ARSB: variants seen among roughly 807,000 people sequenced by gnomAD.
ARSB encodes N-acetylgalactosamine-4-sulfatase.
ARSB carries 41 observed loss-of-function variants against 50.9 expected under a neutral mutation model. The observed-to-expected ratio is 0.81, with a 90% CI of 0.63 to 1.04. ARSB has a LOEUF of 1.04. Among genes scored for constraint, ARSB ranks in the 50% least tolerant of loss-of-function variants. The pLI, the probability that ARSB is intolerant of heterozygous loss-of-function variation, is 0.00. For missense variants in ARSB, 672 were observed against 693.3 expected (o/e 0.97, Z 0.35); for synonymous variants, 269 against 284.8 (o/e 0.94, Z 0.56).
chr5:78,866,971 C>T (rs536314522), intron 5 of ARSB, among the ~76,000 whole-genome samples: 7 of 152,296 alleles, frequency 4.6e-5, no homozygotes, highest in East Asian at 1.9e-4. Context: ...ACACCGTGCG[C>T]GAGCCAAAGC....
chr5:78,980,007 T>C (rs1752833445), intron 1 of ARSB, among the ~76,000 whole-genome samples: 1 of 152,190 alleles, frequency 6.6e-6, no homozygotes, highest in Admixed American at 6.5e-5. Context: ...TGAAAGGACA[T>C]CTATTGTATT....
intron 4 of ARSB, among the ~76,000 whole-genome samples, chr5:78,888,539 C>T (rs1173876589): frequency 6.6e-6 from 1 of 152,174 alleles, no homozygotes; most frequent in Admixed American, 6.5e-5. Context: ...AGCCTGTTGT[C>T]TCTGTTTTAA....
chr5:78,971,490 T>A (rs1178217026), intron 1 of ARSB, among the ~76,000 whole-genome samples: 1 of 152,224 alleles, frequency 6.6e-6, no homozygotes, highest in African/African-American at 2.4e-5. Context: ...AGCAAGAAAC[T>A]TGTTGCTAAC....
upstream of ARSB, chr5:78,985,388 G>A (rs1580171359): frequency 1.1e-5 from 9 of 842,812 alleles, 1 homozygote; most frequent in African/African-American, 1.1e-4. Context: ...TGCGAGGCCG[G>A]GCGCTCGGCC....
chr5:78,791,774 A>C (rs1749241671), intron 6 of ARSB, among the ~76,000 whole-genome samples: 1 of 152,340 alleles, frequency 6.6e-6, no homozygotes, highest in South Asian at 2.1e-4. Context: ...CCTAAAATTA[A>C]TTCCCTAAAA....
chr5:78,955,206 G>A (rs1751665624), intron 4 of ARSB, 89 bp downstream of exon 4: 4 of 1,340,266 alleles, frequency 3.0e-6, no homozygotes, highest in Non-Finnish European at 4.2e-6. Context: ...ATAAGGCAAT[G>A]CTAACCGCTC....
chr5:78,984,863 G>A, intron 1 of ARSB, 74 bp downstream of exon 1: 1 of 1,182,020 alleles, frequency 8.5e-7, no homozygotes, highest in Non-Finnish European at 1.1e-6. Context: ...GCGGCCTCAA[G>A]GGCCGGGTAG....
intron 6 of ARSB, among the ~76,000 whole-genome samples, chr5:78,826,011 T>C (rs1040033317): frequency 1.3e-5 from 2 of 152,072 alleles, no homozygotes; most frequent in Non-Finnish European, 2.9e-5. Flanking sequence ...AGATCTTTTT[T>C]AAAGGTTAAA....
intron 1 of ARSB, among the ~76,000 whole-genome samples, chr5:78,971,968 T>C (rs1170536278): frequency 1.3e-5 from 2 of 152,236 alleles, no homozygotes; most frequent in African/African-American, 4.8e-5. Context: ...TAGAAATAAT[T>C]AGACACCTAT....
intron 5 of ARSB, among the ~76,000 whole-genome samples, chr5:78,875,116 T>TA (rs546254602): frequency 2.6e-5 from 4 of 152,030 alleles, no homozygotes; most frequent in Non-Finnish European, 4.4e-5. Flanking sequence ...TTGTCTCTGT[T>TA]AAAAAACAAT....
intron 6 of ARSB, among the ~76,000 whole-genome samples, chr5:78,828,526 C>T (rs544812017): frequency 2.2e-4 from 33 of 152,212 alleles, no homozygotes; most frequent in Non-Finnish European, 4.3e-4. Flanking sequence ...TGTTTTAGCC[C>T]TCCTTCACTC....
intron 3 of ARSB, among the ~76,000 whole-genome samples, chr5:78,957,405 GTTTA>G (rs1221645005): frequency 6.6e-6 from 1 of 152,082 alleles, no homozygotes; most frequent in East Asian, 1.9e-4. Context: ...CCCCCCAAAA[GTTTA>G]TTTATTGTTC....
At chr5:78,903,733 G>A (rs1440751134) in intron 4 of ARSB, among the ~76,000 whole-genome samples, 1 of 152,086 alleles carries the variant, frequency 6.6e-6, no homozygotes, top group Non-Finnish European at 1.5e-5. Context: ...GAAAGTTTAT[G>A]GAATCAAATG....
rs530576670 is a variant in ARSB, at chr5:78,942,816, T to C, written c.898+12479A>G. On this transcript the variant is annotated intron_variant, in intron 4 of 7. Transcript: ENST00000264914. ...TAGGTCCGCTTGGTGCAGAGCTGAG[T>C]TCAATTCCTGGATATCCTTGTTAAC... is the stretch of plus-strand genomic sequence containing the variant. Among the ~76,000 whole-genome samples the C allele has an allele frequency of 9.9e-4, 151 of 152,272 alleles. 1 individual carries two copies. The highest frequency in any genetic ancestry group is 1.7e-3 in the Non-Finnish European group (118 of 68,028).
At chr5:78,854,670 C>T (rs114706732) in intron 5 of ARSB, among the ~76,000 whole-genome samples, 133 of 152,246 alleles carry the variant, frequency 8.7e-4, no homozygotes, top group African/African-American at 3.0e-3. Context: ...GCTCTACCAG[C>T]GAGTTTTACA....
In ARSB at chr5:78,780,577, G is replaced by A. The variant is rs1748897275; in HGVS notation, c.1422C>T (p.Leu474=). The A allele has an allele frequency of 1.2e-6, 2 of 1,614,126 alleles. No homozygotes were observed. Among genetic ancestry groups the A allele is most frequent in the Non-Finnish European group, 1.7e-6 (2 of 1,180,016 alleles). ...CTTCAGGGTCCCGATCAATATCAAA[G>A]AGCCAGAGGGTCTTGGTTGGTGGGT... is the stretch of plus-strand genomic sequence containing the variant. The part of the protein sequence containing the change: ...SSDPPTKTLW[L]FDIDRDPEER... The change falls in exon 8 of 8, where the codon CTC becomes CTT. Residue 474 remains leucine (L), a synonymous_variant. Transcript: ENST00000264914.
intron 5 of ARSB, among the ~76,000 whole-genome samples, chr5:78,855,255 G>A (rs370142972): frequency 2.0e-5 from 3 of 152,348 alleles, no homozygotes; most frequent in East Asian, 3.9e-4. Context: ...AGTCCAACAG[G>A]TATGACTGCT....
chr5:78,884,105 G>C (rs555989875), intron 5 of ARSB: 1 of 152,152 alleles, frequency 6.6e-6, no homozygotes, highest in Admixed American at 6.5e-5. Context: ...GGGAACAATA[G>C]AGATTGAAGA....
At chr5:78,812,241 G>A (rs1743834064) in intron 6 of ARSB, among the ~76,000 whole-genome samples, 1 of 152,134 alleles carries the variant, frequency 6.6e-6, no homozygotes, top group Non-Finnish European at 1.5e-5. Flanking sequence ...TAGGTCCTGG[G>A]AAAGGTACAG....
Sources: gnomAD v4.1 joint callset for allele counts (sites outside exome capture counted in the v4.1 genomes callset) on GRCh38, gnomAD v4.1.1 for gene constraint, MANE v1.5 for transcripts, NCBI Gene and HGNC (gene_info 2026-07-23, HGNC 2026-07-21) for gene names.